The following SENP7 variants were observed in gnomAD, a reference collection of about 807,000 sequenced individuals.
SENP7 encodes sentrin-specific protease 7.
SENP7 carries 64 observed loss-of-function variants against 141.2 expected under a neutral mutation model. That is an observed-to-expected ratio of 0.45 (90% CI 0.37 to 0.56). The LOEUF is 0.56. SENP7 is among the 20% of genes least tolerant of loss of function. The pLI, the probability that SENP7 is intolerant of heterozygous loss-of-function variation, is 0.00. For synonymous variants in SENP7, 382 were observed against 426.4 expected (o/e 0.90, Z 1.28); for missense variants, 1,025 against 1,212.2 (o/e 0.85, Z 2.29).
chr3:101,334,255 T>C (rs2059129425), intron 17 of SENP7, among the ~76,000 whole-genome samples: 1 of 152,114 alleles, frequency 6.6e-6, no homozygotes, highest in African/African-American at 2.4e-5. Flanking sequence ...TACTAGTTTC[T>C]TTTCTTTACC....
chr3:101,438,488 T>G (rs1160169944), intron 4 of SENP7, among the ~76,000 whole-genome samples: 7 of 152,174 alleles, frequency 4.6e-5, no homozygotes. Flanking sequence ...TTATGGAGAT[T>G]GATGATGGTG....
chr3:101,396,228 C>T (rs1366267789), intron 6 of SENP7, among the ~76,000 whole-genome samples: 1 of 152,162 alleles, frequency 6.6e-6, no homozygotes, highest in African/African-American at 2.4e-5. Flanking sequence ...AGCTAGTGTT[C>T]CCACTGAATA....
At chr3:101,449,637 A>T (rs939422180) in intron 4 of SENP7, among the ~76,000 whole-genome samples, 13 of 152,302 alleles carry the variant, frequency 8.5e-5, no homozygotes, top group Middle Eastern at 3.4e-3. Flanking sequence ...TAAGTGAAGG[A>T]GAAATAAAAT....
At position 101,398,992 on chromosome 3, in the gene SENP7, G is replaced by C. The variant is rs2061055036; in HGVS notation, c.546C>G (p.Thr182=). ...TCAAACTTCCCTCAGTTACAGGTGGGGTCCTTATGTATTTTCTTCCTAACT... is the reference window on the plus strand; with the variant it reads ...TCAAACTTCCCTCAGTTACAGGTGGCGTCCTTATGTATTTTCTTCCTAACT... ...GTELGRKYIR[T]PPVTEGSLSD... Residue 182 remains threonine, a synonymous_variant, in exon 6 of 24, where the codon ACC becomes ACG. Coordinates refer to ENST00000394095, the MANE Select transcript of SENP7 (RefSeq NM_020654.5). The C allele has an allele frequency of 1.9e-6, 3 of 1,613,272 alleles. No homozygotes were observed. The highest frequency in any genetic ancestry group is 2.5e-6 in the Non-Finnish European group (3 of 1,179,580).
chr3:101,332,908 T>C, intron 17 of SENP7, 46 bp from the exon 18 acceptor site: 1 of 1,531,998 alleles, frequency 6.5e-7, no homozygotes, highest in Admixed American at 2.3e-5. Context: ...TTTTTTCATT[T>C]AAGATAGGGA....
intron 2 of SENP7, among the ~76,000 whole-genome samples, chr3:101,499,827 G>A (rs377614356): frequency 2.6e-5 from 4 of 152,078 alleles, no homozygotes; most frequent in South Asian, 4.2e-4. Flanking sequence ...GAGCCACTGC[G>A]CCCGGCCAAT....
At chr3:101,429,210 C>T (rs57867809) in intron 4 of SENP7, among the ~76,000 whole-genome samples, 103,375 of 151,844 alleles carry the variant, frequency 0.68, 35,682 homozygotes, top group African/African-American at 0.78. Flanking sequence ...TAAAGTAGTT[C>T]TTTTTCCAAT....
At chr3:101,333,950 C>T (rs1164899731) in intron 17 of SENP7, among the ~76,000 whole-genome samples, 1 of 152,194 alleles carries the variant, frequency 6.6e-6, no homozygotes, top group Non-Finnish European at 1.5e-5. Flanking sequence ...AACTGTTCCT[C>T]CTCAGACCGT....
chr3:101,456,248 T>C lies in SENP7; in HGVS notation c.284+2707A>G, dbSNP rs538561967. The stretch of plus-strand genomic sequence containing the variant: ...AAATCTGTCAAAAATCACATTCTAT[T>C]ATTCAAAAATTGGCTGAGTAAACTA... On this transcript the variant is annotated intron_variant, in intron 4 of 23. Coordinates refer to ENST00000394095, the MANE Select transcript of SENP7 (RefSeq NM_020654.5). Among the ~76,000 whole-genome samples, 3 of 152,276 alleles carry C rather than the reference T, an allele frequency of 2.0e-5. No individual in the cohort carries two copies. The East Asian group carries it at 5.8e-4, about 29-fold the overall frequency.
Position 101,409,871 on chromosome 3 carries a change from C to G in SENP7, c.482+7722G>C, listed in dbSNP as rs551202921. 2.6e-5 allele frequency among the ~76,000 whole-genome samples: 4 copies of G among 152,240 alleles called. No homozygotes were observed. The South Asian group carries it at 8.3e-4, about 32-fold the overall frequency. On this transcript the variant is annotated intron_variant, in intron 5 of 23. Transcript: ENST00000394095. Reference sequence around the variant, plus strand: ...TTGGAAAAACCCTTCTAGACATTGGCTTAGGCAAGGATTTTATGACCAAGA... The same window carrying G: ...TTGGAAAAACCCTTCTAGACATTGGGTTAGGCAAGGATTTTATGACCAAGA...
At chr3:101,483,730 A>G (rs1164640409) in intron 3 of SENP7, among the ~76,000 whole-genome samples, 2 of 152,330 alleles carry the variant, frequency 1.3e-5, no homozygotes, top group South Asian at 4.1e-4. Flanking sequence ...ATAAAAATTA[A>G]CACAAACTGG....
chr3:101,367,878 T>G lies in SENP7; in HGVS notation c.930A>C (p.Leu310Phe). The G allele has an allele frequency of 6.2e-7, 1 of 1,610,048 alleles. No homozygotes were observed. Among genetic ancestry groups the G allele is most frequent in the Non-Finnish European group, 8.5e-7 (1 of 1,176,710 alleles). Residue 310 changes from leucine (L) to phenylalanine (F), a missense_variant, in exon 8 of 24, where the codon TTA becomes TTC. This residue lies in a region of SENP7 where 496 missense variants were observed against 503.5 expected (regional missense o/e 0.99). Coordinates refer to ENST00000394095, the MANE Select transcript of SENP7 (RefSeq NM_020654.5). ...AAGAAGTACAATATTGAGAATCAGGTAAATTATTTCTAAGCCTTCTCTTTG... is the reference window on the plus strand; with the variant it reads ...AAGAAGTACAATATTGAGAATCAGGGAAATTATTTCTAAGCCTTCTCTTTG... ...RKTKRRLRNNLPDSQYCTSLD... is the reference protein window; with the variant it reads ...RKTKRRLRNNFPDSQYCTSLD...
intron 11 of SENP7, chr3:101,358,461 C>T: frequency 2.8e-6 from 1 of 359,322 alleles, no homozygotes; most frequent in East Asian, 6.4e-5. Flanking sequence ...TTAACCAGCC[C>T]TCAACTCTTA....
At chr3:101,363,946 G>A (rs905700111) in intron 10 of SENP7, among the ~76,000 whole-genome samples, 9 of 152,176 alleles carry the variant, frequency 5.9e-5, no homozygotes, top group Non-Finnish European at 8.8e-5. Context: ...AGCTGGGAGC[G>A]GTAGCTCATG....
chr3:101,372,007 C>T lies in SENP7; in HGVS notation c.796+1G>A, dbSNP rs745584982. The T allele has an allele frequency of 6.9e-7, 1 of 1,443,770 alleles. No homozygotes were observed. The highest frequency in any genetic ancestry group is 1.5e-5 in the South Asian group (1 of 65,594). 89.4% of individuals were successfully genotyped at this position (1,443,770 alleles called of 1,614,324 possible). On this transcript the variant is annotated splice_donor_variant, in intron 7 of 23. Transcript: ENST00000394095. LOFTEE classifies it high-confidence loss of function. ...CCAACAGTTTTCTAAGGTTCACAAA[C>T]CTTCAGGCTGAGTATCAGATATTAA...
chr3:101,416,582 T>C (rs964217252), intron 5 of SENP7, among the ~76,000 whole-genome samples: 9 of 152,240 alleles, frequency 5.9e-5, no homozygotes, highest in Non-Finnish European at 8.8e-5. Context: ...TGCTAAGCTG[T>C]CTGACTCTTA....
intron 8 of SENP7, among the ~76,000 whole-genome samples, chr3:101,367,495 G>T (rs943000330): frequency 6.6e-6 from 1 of 151,816 alleles, no homozygotes; most frequent in Non-Finnish European, 1.5e-5. Flanking sequence ...AAAAAAAAAT[G>T]ACTAGACAGT....
intron 2 of SENP7, among the ~76,000 whole-genome samples, chr3:101,497,271 G>A (rs1576529443): frequency 6.6e-6 from 1 of 152,250 alleles, no homozygotes; most frequent in East Asian, 1.9e-4. Context: ...AAAATAAATA[G>A]ACATATGTAT....
At chr3:101,406,446 G>A (rs1328736948) in intron 5 of SENP7, among the ~76,000 whole-genome samples, 1 of 151,922 alleles carries the variant, frequency 6.6e-6, no homozygotes, top group Non-Finnish European at 1.5e-5. Flanking sequence ...AGTGGGGGGA[G>A]GGGGGAAGGA....
Sources: gnomAD v4.1 joint callset for allele counts (sites outside exome capture counted in the v4.1 genomes callset) on GRCh38, gnomAD v4.1.1 for gene constraint, gnomAD v4.1.1 regional missense constraint, MANE v1.5 for transcripts, NCBI Gene and HGNC (gene_info 2026-07-23, HGNC 2026-07-21) for gene names.